Variants in GPR101 observed in about 807,000 individuals in gnomAD.
The protein encoded by GPR101 is probable G protein-coupled receptor 101.
A neutral mutation model predicts 16.4 loss-of-function variants in GPR101; 8 were observed. The ratio of observed to expected loss-of-function variants is 0.49; its 90% CI spans 0.29 to 0.88. The LOEUF is 0.88. Ranked by LOEUF, GPR101 falls within the 40% of genes least tolerant of loss-of-function variation. The pLI is 0.09. For synonymous variants in GPR101, 155 were observed against 168.7 expected, an observed-to-expected ratio of 0.92 and a Z score of 0.63; for missense variants, 375 against 411.7, an observed-to-expected ratio of 0.91 and a Z score of 0.77.
chrX:137,030,831 C>T lies in GPR101; in HGVS notation c.844G>A (p.Gly282Ser), dbSNP rs147918437. ...AKEGRMEAKD[G>S]SLKAKEGSTG... ...CTTCCTTCCTTGGCCTTCAGGCTGCCGTCCTTGGCTTCCATTCTGCCCTCC... is the reference window on the plus strand; with the variant it reads ...CTTCCTTCCTTGGCCTTCAGGCTGCTGTCCTTGGCTTCCATTCTGCCCTCC... Residue 282 changes from glycine to serine, a missense_variant, in exon 2 of 2, where the codon GGC becomes AGC. Gly to Ser is a moderately conservative substitution (Grantham distance 56). Coordinates refer to ENST00000651716, the MANE Select transcript of GPR101 (RefSeq NM_054021.2). The T allele has an allele frequency of 3.3e-6, 4 of 1,209,585 alleles. No homozygotes were observed. In the African/African-American group the frequency reaches 5.3e-5, roughly 16 times the overall value.
rs1211462896 is a variant in GPR101, at chrX:137,025,198, A to G, written c.*4950T>C. ...ATATCCTGTAGTATATACTTCAAAAATAAATTTAAAAAACAAATGTACCAT... is the reference window on the plus strand; with the variant it reads ...ATATCCTGTAGTATATACTTCAAAAGTAAATTTAAAAAACAAATGTACCAT... On this transcript the variant is annotated 3_prime_UTR_variant, in exon 2 of 2. Transcript: ENST00000651716. Among the ~76,000 whole-genome samples, 1 of 112,459 alleles carries G rather than the reference A, an allele frequency of 8.9e-6. No individual in the cohort carries two copies. Among genetic ancestry groups the G allele is most frequent in the Non-Finnish European group, 1.9e-5 (1 of 53,343 alleles).
chrX:137,029,837 T>C lies in GPR101; in HGVS notation c.*311A>G, dbSNP rs1297736121. ...CTTCAGAGCTAAAGTTGGCATGTTG[T>C]AGCTCTGGAAAAGATAGAATACCAA... On this transcript the variant is annotated 3_prime_UTR_variant, in exon 2 of 2. Transcript: ENST00000651716. 2.7e-5 allele frequency among the ~76,000 whole-genome samples: 3 copies of C among 112,408 alleles called. No homozygotes were observed. The highest frequency in any genetic ancestry group is 9.7e-5 in the African/African-American group (3 of 30,960).
rs778943802 is a variant in GPR101 at position 137,029,711 on chromosome X, T to C, written c.*437A>G. 8.9e-6 allele frequency among the ~76,000 whole-genome samples: 1 copy of C among 112,127 alleles called. No individual in the cohort carries two copies. The highest frequency in any genetic ancestry group is 2.8e-4 in the East Asian group (1 of 3,587). On this transcript the variant is annotated 3_prime_UTR_variant, in exon 2 of 2. Coordinates refer to ENST00000651716, the MANE Select transcript of GPR101 (RefSeq NM_054021.2). ...TGGGCTCCATGAATGATTTGGTCCATTGCCTTTCTTTCAGTTGAACACAAG... is the reference window on the plus strand; with the variant it reads ...TGGGCTCCATGAATGATTTGGTCCACTGCCTTTCTTTCAGTTGAACACAAG...
intron 1 of GPR101, 40 bp from the exon 2 acceptor site, chrX:137,031,806 G>T: frequency 1.8e-6 from 1 of 549,813 alleles, no homozygotes; most frequent in Non-Finnish European, 2.8e-6. Context: ...TTAGTCACCC[G>T]TCAAGGGGAG....
At position 137,027,425 on chromosome X, in the gene GPR101, C is replaced by A. The variant is rs926367024; in HGVS notation, c.*2723G>T. ...AATGATGACTTTTTTTGTGTGCTTT[C>A]AGATTTTCAAATGACAAAACAGTAT... On this transcript the variant is annotated 3_prime_UTR_variant, in exon 2 of 2. Coordinates refer to ENST00000651716, the MANE Select transcript of GPR101 (RefSeq NM_054021.2). 2.8e-5 allele frequency among the ~76,000 whole-genome samples: 3 copies of A among 109,019 alleles called. No homozygotes were observed. The highest frequency in any genetic ancestry group is 5.7e-5 in the Non-Finnish European group (3 of 52,636). The allele number at this position is 109,019 out of a possible 115,157, so 94.7% of individuals were successfully genotyped here. A position where few individuals can be genotyped will look rare whatever the true frequency, so the allele number is the denominator to read the frequency against.
rs1245955036 is a variant in GPR101, at chrX:137,028,622, G to T, written c.*1526C>A. On this transcript the variant is annotated 3_prime_UTR_variant, in exon 2 of 2. Coordinates refer to ENST00000651716, the MANE Select transcript of GPR101 (RefSeq NM_054021.2). ...CTCTGGAGTTGCTTTAACTTGTTCTGTAGGAGGATCAAAAACACTGGCTTG... is the reference window on the plus strand; with the variant it reads ...CTCTGGAGTTGCTTTAACTTGTTCTTTAGGAGGATCAAAAACACTGGCTTG... Among the ~76,000 whole-genome samples, 2 of 112,158 alleles carry T rather than the reference G, an allele frequency of 1.8e-5. No individual in the cohort carries two copies. The highest frequency in any genetic ancestry group is 6.5e-5 in the African/African-American group (2 of 30,956).
At chrX:137,031,793 G>A (rs769348546) in intron 1 of GPR101, 27 bp from the exon 2 acceptor site, 108 of 600,822 alleles carry the variant, frequency 1.8e-4, no homozygotes, top group Middle Eastern at 5.4e-4. Context: ...CACGCAGGCA[G>A]AGTTAGTCAC....
In GPR101 at chrX:137,029,982, C is replaced by T. The variant is rs1428664194; in HGVS notation, c.*166G>A. 8.9e-6 allele frequency among the ~76,000 whole-genome samples: 1 copy of T among 112,267 alleles called. No homozygotes were observed. Among genetic ancestry groups the T allele is most frequent in the Non-Finnish European group, 1.9e-5 (1 of 53,283 alleles). ...TGCTTTTACGGAAAGACCCCAGTTC[C>T]TGCCTCTTCTATATATTTATCTACC... On this transcript the variant is annotated 3_prime_UTR_variant, in exon 2 of 2. Transcript: ENST00000651716.
At position 137,031,724 on chromosome X, in the gene GPR101, G is replaced by C; in HGVS notation, c.-50C>G. On this transcript the variant is annotated 5_prime_UTR_variant, in exon 2 of 2. Transcript: ENST00000651716. ...AGGTTGCAGGCTCAGTGCCGGCACC[G>C]GTGGGTGGCAAAGGGGTGCACAGAC... is the stretch of plus-strand genomic sequence containing the variant. 9.5e-7 allele frequency: 1 copy of C among 1,056,744 alleles called. No individual in the cohort carries two copies. The highest frequency in any genetic ancestry group is 1.3e-6 in the Non-Finnish European group (1 of 781,515). The allele number at this position is 1,056,744 out of a possible 1,213,427, so 87.1% of individuals were successfully genotyped here.
At position 137,031,771 on chromosome X, in the gene GPR101, T is replaced by C. The variant is rs1927272433; in HGVS notation, c.-92-5A>G. Reference sequence around the variant, plus strand: ...AGACCGCACTCAGTGCCTATGCTGGTGACAAAAGAAACACGCAGGCAGAGT... The same window carrying C: ...AGACCGCACTCAGTGCCTATGCTGGCGACAAAAGAAACACGCAGGCAGAGT... On this transcript the variant is annotated splice_region_variant and splice_polypyrimidine_tract_variant and intron_variant, in intron 1 of 1. Coordinates refer to ENST00000651716, the MANE Select transcript of GPR101 (RefSeq NM_054021.2). 1 of 716,043 alleles carries C rather than the reference T, an allele frequency of 1.4e-6. No individual in the cohort carries two copies. Among genetic ancestry groups the C allele is most frequent in the Non-Finnish European group, 2.0e-6 (1 of 502,031 alleles). The allele number at this position is 716,043 out of a possible 1,213,427, so 59.0% of individuals were successfully genotyped here. A position where few individuals can be genotyped will look rare whatever the true frequency, so the allele number is the denominator to read the frequency against.
Position 137,031,723 on chromosome X carries a change from C to T in GPR101, c.-49G>A, listed in dbSNP as rs1358520245. 4 of 1,057,616 alleles carry T rather than the reference C, an allele frequency of 3.8e-6. No individual in the cohort carries two copies. Among genetic ancestry groups the T allele is most frequent in the Non-Finnish European group, 5.1e-6 (4 of 783,984 alleles). The allele number at this position is 1,057,616 out of a possible 1,213,427, so 87.2% of individuals were successfully genotyped here. A position where few individuals can be genotyped will look rare whatever the true frequency, so the allele number is the denominator to read the frequency against. ...CAGGTTGCAGGCTCAGTGCCGGCAC[C>T]GGTGGGTGGCAAAGGGGTGCACAGA... On this transcript the variant is annotated 5_prime_UTR_variant, in exon 2 of 2. Transcript: ENST00000651716.
In GPR101 at chrX:137,024,420, C is replaced by T. The variant is rs753019689; in HGVS notation, c.*5728G>A. On this transcript the variant is annotated 3_prime_UTR_variant, in exon 2 of 2. Coordinates refer to ENST00000651716, the MANE Select transcript of GPR101 (RefSeq NM_054021.2). The stretch of plus-strand genomic sequence containing the variant: ...GAAAAATGAAACTTTTAAATTCAAA[C>T]GTTAAAATATTAAAGAGAACTATTT... Among the ~76,000 whole-genome samples, 15 of 111,395 alleles carry T rather than the reference C, an allele frequency of 1.3e-4. No individual in the cohort carries two copies. Among genetic ancestry groups the T allele is most frequent in the African/African-American group, 4.9e-4 (15 of 30,831 alleles).
Position 137,030,796 on chromosome X carries a change from G to T in GPR101, c.879C>A (p.Thr293=), listed in dbSNP as rs1463075504. 14 of 1,211,257 alleles carry T rather than the reference G, an allele frequency of 1.2e-5. No individual in the cohort carries two copies. Among genetic ancestry groups the T allele is most frequent in the Non-Finnish European group, 1.5e-5 (13 of 895,404 alleles). Residue 293 remains threonine (T), a synonymous_variant, in exon 2 of 2, where the codon ACC becomes ACA. Coordinates refer to ENST00000651716, the MANE Select transcript of GPR101 (RefSeq NM_054021.2). ...CCCTGGCCTCTACACTACTCTCACT[G>T]GTCCCCGTGCTTCCTTCCTTGGCCT... ...SLKAKEGSTG[T]SESSVEARGS... is the part of the protein sequence containing the mutation.
rs940062641 is a variant in GPR101 at position 137,025,294 on chromosome X, T to C, written c.*4854A>G. Among the ~76,000 whole-genome samples the C allele has an allele frequency of 1.8e-5, 2 of 112,477 alleles. No individual in the cohort carries two copies. Among genetic ancestry groups the C allele is most frequent in the African/African-American group, 6.5e-5 (2 of 30,909 alleles). Reference sequence around the variant, plus strand: ...TGGCATGCATTTTATTAACTAACTTTACAAGTACATACTACCTTTGAGGAC... The same window carrying C: ...TGGCATGCATTTTATTAACTAACTTCACAAGTACATACTACCTTTGAGGAC... On this transcript the variant is annotated 3_prime_UTR_variant, in exon 2 of 2. Transcript: ENST00000651716.
In GPR101 at chrX:137,030,726, T is replaced by C; in HGVS notation, c.949A>G (p.Ser317Gly). Residue 317 changes from serine to glycine, a missense_variant, in exon 2 of 2, where the codon AGC becomes GGC. Transcript: ENST00000651716. Reference protein sequence around the residue: ...RESSTVASDGSMEGKEGSTKV... With the variant: ...RESSTVASDGGMEGKEGSTKV... Reference sequence around the variant, plus strand: ...GTGCTGCCTTCCTTACCCTCCATGCTGCCGTCGCTGGCCACCGTGCTGCTC... The same window carrying C: ...GTGCTGCCTTCCTTACCCTCCATGCCGCCGTCGCTGGCCACCGTGCTGCTC... 8.3e-7 allele frequency: 1 copy of C among 1,211,230 alleles called. No individual in the cohort carries two copies. Among genetic ancestry groups the C allele is most frequent in the Non-Finnish European group, 1.1e-6 (1 of 895,380 alleles).
intron 1 of GPR101, among the ~76,000 whole-genome samples, chrX:137,032,959 C>T (rs1927296251): frequency 9.0e-6 from 1 of 111,330 alleles, no homozygotes; most frequent in Non-Finnish European, 1.9e-5. Context: ...TTCTCTACAT[C>T]TTTTTCCCAT....
In GPR101 at chrX:137,030,049, T is replaced by A. The variant is rs1473474172; in HGVS notation, c.*99A>T. 2.8e-6 allele frequency: 2 copies of A among 726,109 alleles called. No homozygotes were observed. Among genetic ancestry groups the A allele is most frequent in the Non-Finnish European group, 4.0e-6 (2 of 499,122 alleles). 59.8% of individuals were successfully genotyped at this position (726,109 alleles called of 1,213,427 possible). A position where few individuals can be genotyped will look rare whatever the true frequency, so the allele number is the denominator to read the frequency against. On this transcript the variant is annotated 3_prime_UTR_variant, in exon 2 of 2. Coordinates refer to ENST00000651716, the MANE Select transcript of GPR101 (RefSeq NM_054021.2). ...GTGTGTGCAACACCTTTGCCTGAAATGGTATGGTTTGGCATTAATGAATTG... is the reference window on the plus strand; with the variant it reads ...GTGTGTGCAACACCTTTGCCTGAAAAGGTATGGTTTGGCATTAATGAATTG...
rs1261910187 is a variant in GPR101 at position 137,025,540 on chromosome X, T to A, written c.*4608A>T. Reference sequence around the variant, plus strand: ...ATCAAACTAAAACCAATCTTGTTTTTCTCTACATTTTAGAACAAGACAGAT... The same window carrying A: ...ATCAAACTAAAACCAATCTTGTTTTACTCTACATTTTAGAACAAGACAGAT... On this transcript the variant is annotated 3_prime_UTR_variant, in exon 2 of 2. Transcript: ENST00000651716. 8.9e-6 allele frequency among the ~76,000 whole-genome samples: 1 copy of A among 112,573 alleles called. No individual in the cohort carries two copies. Among genetic ancestry groups the A allele is most frequent in the Non-Finnish European group, 1.9e-5 (1 of 53,348 alleles).
In GPR101 at chrX:137,026,193, C is replaced by T. The variant is rs1927165361; in HGVS notation, c.*3955G>A. Among the ~76,000 whole-genome samples the T allele has an allele frequency of 1.8e-5, 2 of 112,363 alleles. No individual in the cohort carries two copies. Among genetic ancestry groups the T allele is most frequent in the South Asian group, 7.4e-4 (2 of 2,685 alleles). On this transcript the variant is annotated 3_prime_UTR_variant, in exon 2 of 2. Transcript: ENST00000651716. The stretch of plus-strand genomic sequence containing the variant: ...GGCATTTTGCTTAGAGAAACCTCTC[C>T]TGACAGCGTGAGGTCTTTCTTAAAG...
Sources: allele counts gnomAD v4.1 joint callset (sites outside exome capture counted in the v4.1 genomes callset), GRCh38; gene constraint gnomAD v4.1.1; transcripts MANE v1.5; gene names NCBI Gene and HGNC (gene_info 2026-07-23, HGNC 2026-07-21).